CLSTN2: variants seen among roughly 807,000 people sequenced by gnomAD.
CLSTN2 encodes the protein calsyntenin 2, also known as calsyntenin-2.
A neutral mutation model predicts 101.2 loss-of-function variants in CLSTN2; 48 were observed. The observed-to-expected ratio is 0.47, with a 90% CI of 0.38 to 0.60. The LOEUF is 0.60. Among genes scored for constraint, CLSTN2 ranks in the 20% least tolerant of loss-of-function variants. The pLI is 0.00. For synonymous variants in CLSTN2, 481 were observed against 463.6 expected, an observed-to-expected ratio of 1.04 and a Z score of -0.48; for missense variants, 1,160 against 1,238.2, an observed-to-expected ratio of 0.94 and a Z score of 0.95.
At chr3:140,500,254 C>T (rs1225959116) in intron 8 of CLSTN2, among the ~76,000 whole-genome samples, 1 of 152,110 alleles carries the variant, frequency 6.6e-6, no homozygotes, top group Non-Finnish European at 1.5e-5. Context: ...TTCTACTTGA[C>T]TGTCAGAGGC....
intron 2 of CLSTN2, among the ~76,000 whole-genome samples, chr3:140,179,017 C>G (rs1055352248): frequency 6.6e-6 from 1 of 152,116 alleles, no homozygotes; most frequent in Non-Finnish European, 1.5e-5. Flanking sequence ...ATGTTTTACA[C>G]ATAGATTCTG....
chr3:140,083,920 T>G (rs1303447135), intron 1 of CLSTN2, among the ~76,000 whole-genome samples: 1 of 152,216 alleles, frequency 6.6e-6, no homozygotes, highest in African/African-American at 2.4e-5. Context: ...AACTTTGATC[T>G]TCTGCCTCCA....
At chr3:140,144,165 A>G (rs897086112) in intron 1 of CLSTN2, among the ~76,000 whole-genome samples, 1 of 152,232 alleles carries the variant, frequency 6.6e-6, no homozygotes, top group African/African-American at 2.4e-5. Flanking sequence ...TAAAGAACTG[A>G]CTTCCACAGT....
At chr3:140,106,269 G>C (rs1298935909) in intron 1 of CLSTN2, among the ~76,000 whole-genome samples, 2 of 152,106 alleles carry the variant, frequency 1.3e-5, no homozygotes, top group Non-Finnish European at 2.9e-5. Flanking sequence ...TTAATATGTG[G>C]TTTTCCCTGA....
rs1331849080 is a variant in CLSTN2, at chr3:140,546,647, T to C, written c.1640T>C (p.Ile547Thr). ...CAGGCCTGCAAGGAAGGGCTGGACA[T>C]TAATTCCTTGGAAAGCCTTGGCCAA... The part of the protein sequence containing the change: ...CLQACKEGLD[I>T]NSLESLGQGI... The change falls in exon 10 of 17, where the codon ATT (isoleucine) becomes ACT (threonine). Residue 547 changes from isoleucine (I) to threonine (T), a missense_variant. Coordinates refer to ENST00000458420, the MANE Select transcript of CLSTN2 (RefSeq NM_022131.3). The C allele has an allele frequency of 1.5e-5, 24 of 1,613,526 alleles. No individual in the cohort carries two copies. The highest frequency in any genetic ancestry group is 1.9e-5 in the Non-Finnish European group (23 of 1,179,892).
intron 2 of CLSTN2, among the ~76,000 whole-genome samples, chr3:140,367,187 A>G (rs1019668483): frequency 1.1e-4 from 16 of 151,448 alleles, no homozygotes; most frequent in African/African-American, 3.9e-4. Context: ...GGAACTTTAC[A>G]ATTATGGAAC....
At chr3:140,020,299 G>C (rs1056965701) in intron 1 of CLSTN2, among the ~76,000 whole-genome samples, 1 of 152,178 alleles carries the variant, frequency 6.6e-6, no homozygotes, top group African/African-American at 2.4e-5. Context: ...TATGCTCAGG[G>C]GATGAAGTGT....
At chr3:140,011,869 G>A (rs1249396965) in intron 1 of CLSTN2, among the ~76,000 whole-genome samples, 1 of 152,048 alleles carries the variant, frequency 6.6e-6, no homozygotes, top group African/African-American at 2.4e-5. Flanking sequence ...GAGTGGGGCT[G>A]TGAGGGAAAG....
intron 1 of CLSTN2, among the ~76,000 whole-genome samples, chr3:140,165,449 G>A (rs1032733649): frequency 6.6e-6 from 1 of 152,142 alleles, no homozygotes; most frequent in African/African-American, 2.4e-5. Context: ...GGGGCCTCAG[G>A]GTTCTTCAGG....
chr3:140,011,321 A>G (rs985397663), intron 1 of CLSTN2, among the ~76,000 whole-genome samples: 1 of 152,156 alleles, frequency 6.6e-6, no homozygotes, highest in Non-Finnish European at 1.5e-5. Context: ...TTGCTTTAGG[A>G]AGTGGTCTCA....
chr3:139,968,974 T>C (rs186994458), intron 1 of CLSTN2, among the ~76,000 whole-genome samples: 1 of 152,292 alleles, frequency 6.6e-6, no homozygotes, highest in African/African-American at 2.4e-5. Flanking sequence ...AGCCTTCAAG[T>C]TTAAGAGCTT....
At chr3:140,167,049 G>A (rs2010145919) in intron 1 of CLSTN2, among the ~76,000 whole-genome samples, 1 of 152,158 alleles carries the variant, frequency 6.6e-6, no homozygotes, top group South Asian at 2.1e-4. Context: ...AGGAATAACA[G>A]CCAAGCCACA....
intron 8 of CLSTN2, among the ~76,000 whole-genome samples, chr3:140,503,165 A>C (rs1052140050): frequency 1.3e-5 from 2 of 152,126 alleles, no homozygotes; most frequent in African/African-American, 2.4e-5. Context: ...CATTGGACCC[A>C]CCTAAATGGT....
At chr3:139,953,931 T>TGTTTGTGTGTGTGTGTGTGTGTG (rs1576374977) in intron 1 of CLSTN2, among the ~76,000 whole-genome samples, 1 of 147,392 alleles carries the variant, frequency 6.8e-6, no homozygotes, top group Non-Finnish European at 1.5e-5. Context: ...GTGTGTGTGT[T>TGTTTGTGTGTGTGTGTGTGTGTG]TGTGTGTGTG....
At chr3:139,938,557 T>C (rs1935069603) in intron 1 of CLSTN2, among the ~76,000 whole-genome samples, 1 of 152,234 alleles carries the variant, frequency 6.6e-6, no homozygotes, top group Non-Finnish European at 1.5e-5. Context: ...AAAAGATAAA[T>C]ACTTCTTGGA....
intron 2 of CLSTN2, among the ~76,000 whole-genome samples, chr3:140,335,979 G>A (rs918806214): frequency 9.9e-5 from 15 of 152,194 alleles, no homozygotes; most frequent in Non-Finnish European, 1.8e-4. Flanking sequence ...CCAAGTCTAG[G>A]TTAAACTAGA....
rs1332144946 is a variant in CLSTN2 at position 140,151,339 on chromosome 3, A to G, written c.110-24612A>G. On this transcript the variant is annotated intron_variant, in intron 1 of 16. Transcript: ENST00000458420. Reference sequence around the variant, plus strand: ...CCTTAAGACCTCTGGGAATAGTGGGAGAGAAGCTCTGAGCTAAAGGAAGGG... The same window carrying G: ...CCTTAAGACCTCTGGGAATAGTGGGGGAGAAGCTCTGAGCTAAAGGAAGGG... 3.3e-5 allele frequency among the ~76,000 whole-genome samples: 5 copies of G among 152,020 alleles called. No homozygotes were observed. In the East Asian group the frequency reaches 9.7e-4, roughly 29 times the overall value.
At chr3:140,079,335 C>T (rs547331053) in intron 1 of CLSTN2, among the ~76,000 whole-genome samples, 2 of 152,130 alleles carry the variant, frequency 1.3e-5, no homozygotes, top group Admixed American at 6.5e-5. Flanking sequence ...ATATTAATAT[C>T]AATTTTCAGG....
At chr3:140,081,942 T>G (rs965968323) in intron 1 of CLSTN2, among the ~76,000 whole-genome samples, 1 of 152,214 alleles carries the variant, frequency 6.6e-6, no homozygotes, top group South Asian at 2.1e-4. Context: ...GGCTGATTCA[T>G]TTAACTAACT....
Sources: gnomAD v4.1 joint callset for allele counts (sites outside exome capture counted in the v4.1 genomes callset) on GRCh38, gnomAD v4.1.1 for gene constraint, MANE v1.5 for transcripts, NCBI Gene and HGNC (gene_info 2026-07-23, HGNC 2026-07-21) for gene names.